C8orf34: variants seen among roughly 807,000 people sequenced by gnomAD.
C8orf34 encodes the protein chromosome 8 open reading frame 34.
In C8orf34, 65 loss-of-function variants were observed where a neutral mutation model predicts 68.3. That is an observed-to-expected ratio of 0.95 (90% CI 0.78 to 1.17). C8orf34 has a LOEUF of 1.17. Ranked by LOEUF, C8orf34 falls within the 50% of genes most tolerant of loss-of-function variation. The pLI is 0.00. For synonymous variants in C8orf34, 244 were observed against 241.2 expected (o/e 1.01, Z -0.11); for missense variants, 664 against 655.4 (o/e 1.01, Z -0.14).
Position 68,466,765 on chromosome 8 carries a change from A to ATATATG in C8orf34, c.608-1927_608-1926insTATATG, listed in dbSNP as rs1242128072. ...TATATATATATATATATATATATAT[A>ATATATG]GATGCTTTCATTTCTTTATGATGAC... On this transcript the variant is annotated intron_variant, in intron 3 of 13. Transcript: ENST00000518698. Among the ~76,000 whole-genome samples the ATATATG allele has an allele frequency of 1.1e-4, 14 of 123,318 alleles. 2 individuals carry two copies. The highest frequency in any genetic ancestry group is 1.7e-4 in the Non-Finnish European group (10 of 57,144). 80.9% of individuals were successfully genotyped at this position (123,318 alleles called of 152,430 possible). A position where few individuals can be genotyped will look rare whatever the true frequency, so the allele number is the denominator to read the frequency against.
intron 4 of C8orf34, among the ~76,000 whole-genome samples, chr8:68,480,445 G>C (rs1309458767): frequency 6.6e-6 from 1 of 152,184 alleles, no homozygotes; most frequent in African/African-American, 2.4e-5. Flanking sequence ...TGAGAGTGGG[G>C]TGTTGCCAAA....
chr8:68,520,073 A>C (rs1210755780), intron 5 of C8orf34, among the ~76,000 whole-genome samples: 1 of 152,174 alleles, frequency 6.6e-6, no homozygotes, highest in East Asian at 1.9e-4. Flanking sequence ...ATTTGATTGC[A>C]TTATTTTACA....
intron 1 of C8orf34, among the ~76,000 whole-genome samples, chr8:68,340,517 A>C (rs1378078909): frequency 6.6e-6 from 1 of 152,208 alleles, no homozygotes; most frequent in African/African-American, 2.4e-5. Flanking sequence ...TATGGACTGC[A>C]GACATCAAAA....
intron 7 of C8orf34, among the ~76,000 whole-genome samples, chr8:68,563,504 G>A (rs1054748103): frequency 6.6e-6 from 1 of 152,096 alleles, no homozygotes; most frequent in East Asian, 1.9e-4. Context: ...CTTTTAAAGG[G>A]TTTTTAAAAG....
At chr8:68,535,970 C>A in intron 7 of C8orf34, 1 of 670,570 alleles carries the variant, frequency 1.5e-6, no homozygotes, top group Non-Finnish European at 1.8e-6. Context: ...TTTTAGTAAT[C>A]GTTCTGGCAA....
intron 9 of C8orf34, among the ~76,000 whole-genome samples, chr8:68,716,477 G>GTATGAA (rs1821475502): frequency 1.3e-5 from 2 of 151,956 alleles, no homozygotes; most frequent in African/African-American, 4.8e-5. Flanking sequence ...TAAGTAACAA[G>GTATGAA]TATGAATATA....
rs75173995 is a variant in C8orf34, at chr8:68,667,337, T to C, written c.1241+26826T>C. On this transcript the variant is annotated intron_variant, in intron 8 of 13. Coordinates refer to ENST00000518698, the MANE Select transcript of C8orf34 (RefSeq NM_052958.4). ...AAGAATCAAAGGTTCTCAAATTAGG[T>C]ATCTTCTCTGATTTCCAAACCCTTA... Among the ~76,000 whole-genome samples the C allele has an allele frequency of 1.6e-4, 24 of 152,300 alleles. No individual in the cohort carries two copies. In the East Asian group the frequency reaches 4.6e-3, roughly 29 times the overall value.
At chr8:68,336,792 G>A (rs988628095) in intron 1 of C8orf34, among the ~76,000 whole-genome samples, 2 of 152,130 alleles carry the variant, frequency 1.3e-5, no homozygotes, top group Admixed American at 1.3e-4. Context: ...GCTAAGCAAG[G>A]TTTGGAGTAT....
intron 1 of C8orf34, among the ~76,000 whole-genome samples, chr8:68,426,874 A>AAACCC (rs144881245): frequency 6.6e-6 from 1 of 150,958 alleles, no homozygotes; most frequent in Non-Finnish European, 1.5e-5. Flanking sequence ...CGTCTAAAAA[A>AAACCC]AAACCAAACC....
intron 7 of C8orf34, among the ~76,000 whole-genome samples, chr8:68,588,686 A>T (rs796402451): frequency 1.3e-5 from 2 of 152,204 alleles, no homozygotes; most frequent in African/African-American, 4.8e-5. Flanking sequence ...GTCTTCATGC[A>T]TTTGAAGTGG....
chr8:68,597,598 G>GTA (rs1437505358), intron 7 of C8orf34, among the ~76,000 whole-genome samples: 1 of 151,900 alleles, frequency 6.6e-6, no homozygotes, highest in African/African-American at 2.4e-5. Context: ...GTGTGTGTGT[G>GTA]TGTGCACGGA....
At chr8:68,420,364 C>T (rs1809908868) in intron 1 of C8orf34, among the ~76,000 whole-genome samples, 1 of 151,800 alleles carries the variant, frequency 6.6e-6, no homozygotes, top group South Asian at 2.1e-4. Context: ...TCTGGAATTC[C>T]AGAAAAAAAA....
intron 4 of C8orf34, among the ~76,000 whole-genome samples, chr8:68,480,772 G>A (rs1474909381): frequency 1.3e-5 from 2 of 151,598 alleles, no homozygotes; most frequent in Non-Finnish European, 3.0e-5. Flanking sequence ...AGATGATTTA[G>A]TGTATCTGGC....
At chr8:68,699,680 G>A (rs939310720) in intron 8 of C8orf34, among the ~76,000 whole-genome samples, 1 of 152,076 alleles carries the variant, frequency 6.6e-6, no homozygotes. Flanking sequence ...TAAAGCAGAA[G>A]AGACCAAACA....
intron 8 of C8orf34, among the ~76,000 whole-genome samples, chr8:68,688,334 C>CA (rs1349710798): frequency 6.6e-6 from 1 of 151,886 alleles, no homozygotes; most frequent in Non-Finnish European, 1.5e-5. Flanking sequence ...TTCGCAATTG[C>CA]AAAAATATGG....
At chr8:68,500,182 C>T (rs1813705245) in intron 5 of C8orf34, among the ~76,000 whole-genome samples, 1 of 152,144 alleles carries the variant, frequency 6.6e-6, no homozygotes, top group Admixed American at 6.6e-5. Context: ...CTCAGGTATA[C>T]CTTTATAGTA....
intron 12 of C8orf34, among the ~76,000 whole-genome samples, chr8:68,796,822 C>CTT (rs372049123): frequency 1.8e-3 from 226 of 122,806 alleles, no homozygotes; most frequent in Non-Finnish European, 2.9e-3. Context: ...TTGAGTTCTT[C>CTT]TTTTTTTTTT....
intron 10 of C8orf34, among the ~76,000 whole-genome samples, chr8:68,757,628 T>A (rs963870705): frequency 9.1e-4 from 120 of 131,878 alleles, no homozygotes; most frequent in South Asian, 4.0e-3. Context: ...CTCAAAAAAA[T>A]AAATAAATAA....
intron 7 of C8orf34, among the ~76,000 whole-genome samples, chr8:68,564,620 A>G (rs1019513770): frequency 6.6e-6 from 1 of 152,156 alleles, no homozygotes; most frequent in Admixed American, 6.5e-5. Flanking sequence ...GGTGGCAGCA[A>G]CTTTCAACCA....
Sources: allele counts gnomAD v4.1 joint callset (sites outside exome capture counted in the v4.1 genomes callset), GRCh38; gene constraint gnomAD v4.1.1; transcripts MANE v1.5; gene names NCBI Gene and HGNC (gene_info 2026-07-23, HGNC 2026-07-21).